The following MARCHF11 variants were observed in gnomAD, a reference collection of about 807,000 sequenced individuals.
MARCHF11 encodes the protein E3 ubiquitin-protein ligase MARCHF11.
Under a neutral mutation model 37.3 loss-of-function variants are expected in MARCHF11, and 29 were observed. The observed-to-expected ratio is 0.78, with a 90% CI of 0.58 to 1.06. MARCHF11 has a LOEUF of 1.06. Ranked by LOEUF, MARCHF11 falls within the 50% of genes least tolerant of loss-of-function variation. MARCHF11 has a pLI of 0.00. For synonymous variants in MARCHF11, 233 were observed against 228.0 expected (o/e 1.02, Z -0.20); for missense variants, 482 against 533.4 (o/e 0.90, Z 0.95).
At chr5:16,143,953 C>G (rs943001101) in intron 2 of MARCHF11, among the ~76,000 whole-genome samples, 2 of 152,158 alleles carry the variant, frequency 1.3e-5, no homozygotes, top group Non-Finnish European at 2.9e-5. Flanking sequence ...TCCAGCAGTC[C>G]CTAGCCGTGA....
At chr5:16,151,972 T>C (rs1737897509) in intron 2 of MARCHF11, among the ~76,000 whole-genome samples, 1 of 151,986 alleles carries the variant, frequency 6.6e-6, no homozygotes, top group Non-Finnish European at 1.5e-5. Flanking sequence ...TTTGGTCTCT[T>C]TCCTAATTTG....
At chr5:16,109,276 G>A (rs994499359) in intron 2 of MARCHF11, among the ~76,000 whole-genome samples, 5 of 152,006 alleles carry the variant, frequency 3.3e-5, no homozygotes, top group African/African-American at 1.2e-4. Flanking sequence ...TGGTTGCCTG[G>A]GGAACCAACC....
In MARCHF11 at chr5:16,179,447, G is replaced by C; in HGVS notation, c.129C>G (p.Pro43=). 1 of 1,115,066 alleles carries C rather than the reference G, an allele frequency of 9.0e-7. No homozygotes were observed. The highest frequency in any genetic ancestry group is 1.1e-6 in the Non-Finnish European group (1 of 914,590). The allele number at this position is 1,115,066 out of a possible 1,614,324, so 69.1% of individuals were successfully genotyped here. A position where few individuals can be genotyped will look rare whatever the true frequency, so the allele number is the denominator to read the frequency against. ...GCGGCGGCAGGTAGCGCGGGGCCGC[G>C]GGGACCGGGGCCGGCTCTCCCGGCG... ...TPPPGEPAPV[P]AAPRYLPPLP... is the part of the protein sequence containing the mutation. Residue 43 remains proline (P), a synonymous_variant, in exon 1 of 4, where the codon CCC becomes CCG. Transcript: ENST00000332432.
intron 2 of MARCHF11, among the ~76,000 whole-genome samples, chr5:16,143,939 C>T (rs1737759976): frequency 6.6e-6 from 1 of 152,210 alleles, no homozygotes; most frequent in African/African-American, 2.4e-5. Context: ...GTAGATCCCA[C>T]AGGTCCAGCA....
At chr5:16,109,329 T>C (rs546491389) in intron 2 of MARCHF11, among the ~76,000 whole-genome samples, 1 of 152,270 alleles carries the variant, frequency 6.6e-6, no homozygotes, top group South Asian at 2.1e-4. Flanking sequence ...CTTCCTGAAC[T>C]CCAGGGAGAA....
intron 2 of MARCHF11, among the ~76,000 whole-genome samples, chr5:16,132,117 A>AG (rs1439611420): frequency 6.6e-6 from 1 of 152,252 alleles, no homozygotes; most frequent in Non-Finnish European, 1.5e-5. Flanking sequence ...CAGATGGTGC[A>AG]GGGGGATGCA....
At chr5:16,093,229 G>T (rs1736813779) in intron 2 of MARCHF11, among the ~76,000 whole-genome samples, 1 of 152,134 alleles carries the variant, frequency 6.6e-6, no homozygotes, top group Non-Finnish European at 1.5e-5. Context: ...AACCAAAGGG[G>T]AGTAACAAGG....
chr5:16,126,654 T>C (rs912691532), intron 2 of MARCHF11, among the ~76,000 whole-genome samples: 1 of 152,232 alleles, frequency 6.6e-6, no homozygotes, highest in African/African-American at 2.4e-5. Flanking sequence ...AAAGATACTA[T>C]ATTCTTTCTC....
chr5:16,095,356 G>A (rs751593749), intron 2 of MARCHF11, among the ~76,000 whole-genome samples: 8 of 152,048 alleles, frequency 5.3e-5, no homozygotes, highest in African/African-American at 9.7e-5. Context: ...AAGCTTCAGC[G>A]AGGAGGGCTA....
intron 2 of MARCHF11, among the ~76,000 whole-genome samples, chr5:16,161,126 G>C (rs1270409376): frequency 6.6e-6 from 1 of 151,732 alleles, no homozygotes; most frequent in African/African-American, 2.4e-5. Context: ...ATGTTGGTGT[G>C]CTGCACCCAT....
intron 2 of MARCHF11, among the ~76,000 whole-genome samples, chr5:16,149,905 C>CA: frequency 6.6e-6 from 1 of 150,424 alleles, no homozygotes; most frequent in East Asian, 1.9e-4. Flanking sequence ...ATCTCCCAAA[C>CA]ATAATGTTAA....
intron 2 of MARCHF11, among the ~76,000 whole-genome samples, chr5:16,132,317 C>A (rs917429613): frequency 6.6e-6 from 1 of 152,174 alleles, no homozygotes; most frequent in Non-Finnish European, 1.5e-5. Flanking sequence ...ATCTCATCAA[C>A]CTTCAGGCCA....
intron 2 of MARCHF11, among the ~76,000 whole-genome samples, chr5:16,176,483 T>C (rs952836474): frequency 9.2e-5 from 14 of 152,212 alleles, no homozygotes; most frequent in Non-Finnish European, 8.8e-5. Flanking sequence ...GGTTTGTGCC[T>C]GTCTTCAGCA....
chr5:16,158,876 C>T (rs1431055024), intron 2 of MARCHF11, among the ~76,000 whole-genome samples: 1 of 151,784 alleles, frequency 6.6e-6, no homozygotes, highest in Admixed American at 6.6e-5. Context: ...CCTCGACAGG[C>T]CCCAGTGTTT....
chr5:16,142,768 C>G (rs1420908794), intron 2 of MARCHF11, among the ~76,000 whole-genome samples: 1 of 148,886 alleles, frequency 6.7e-6, no homozygotes, highest in Non-Finnish European at 1.5e-5. Context: ...CTCGGCTCAC[C>G]GCAACCTCCG....
At chr5:16,103,743 C>T (rs184293351) in intron 2 of MARCHF11, among the ~76,000 whole-genome samples, 58 of 152,236 alleles carry the variant, frequency 3.8e-4, no homozygotes, top group Non-Finnish European at 7.5e-4. Context: ...TTTAACTGAC[C>T]TGGCAGTTTC....
At chr5:16,148,137 C>T (rs757867006) in intron 2 of MARCHF11, among the ~76,000 whole-genome samples, 1 of 151,980 alleles carries the variant, frequency 6.6e-6, no homozygotes, top group Non-Finnish European at 1.5e-5. Flanking sequence ...CTATAACTTT[C>T]AACAGCATAT....
Position 16,099,790 on chromosome 5 carries a change from C to T in MARCHF11, c.694-8709G>A, listed in dbSNP as rs185738374. Among the ~76,000 whole-genome samples, 134 of 152,290 alleles carry T rather than the reference C, an allele frequency of 8.8e-4. 3 individuals are homozygous for T. The South Asian group carries it at 0.023, about 26-fold the overall frequency. On this transcript the variant is annotated intron_variant, in intron 2 of 3. Transcript: ENST00000332432. The stretch of plus-strand genomic sequence containing the variant: ...CCTCCACTTCTTCAGCTATTGGTAA[C>T]GCACATCCTTTGAGGGATGGTGTCT...
chr5:16,171,338 A>C (rs952132552), intron 2 of MARCHF11, among the ~76,000 whole-genome samples: 13 of 151,440 alleles, frequency 8.6e-5, no homozygotes, highest in Non-Finnish European at 1.9e-4. Flanking sequence ...TTACAAAGAA[A>C]CATAGAAATT....
Sources: allele counts gnomAD v4.1 joint callset (sites outside exome capture counted in the v4.1 genomes callset), GRCh38; gene constraint gnomAD v4.1.1; transcripts MANE v1.5; gene names NCBI Gene and HGNC (gene_info 2026-07-23, HGNC 2026-07-21).